CDH13: variants seen among roughly 807,000 people sequenced by gnomAD.
The protein encoded by CDH13 is cadherin-13.
In CDH13, 24 loss-of-function variants were observed where a neutral mutation model predicts 63.8. The observed-to-expected ratio is 0.38, with a 90% CI of 0.27 to 0.53. The LOEUF (loss-of-function observed/expected upper bound fraction) is 0.53. Among genes scored for constraint, CDH13 ranks in the 20% least tolerant of loss-of-function variants. The pLI is 0.85. For missense variants in CDH13, 1,049 were observed against 903.1 expected, an observed-to-expected ratio of 1.16 and a Z score of -2.07; for synonymous variants, 503 against 355.3, an observed-to-expected ratio of 1.42 and a Z score of -4.67.
At chr16:83,034,555 A>C (rs1273271380) in intron 3 of CDH13, among the ~76,000 whole-genome samples, 1 of 152,236 alleles carries the variant, frequency 6.6e-6, no homozygotes, top group African/African-American at 2.4e-5. Context: ...AAAGCAACAA[A>C]GTTGCCAGGA....
chr16:82,768,907 GAGTT>G (rs1270358656), intron 1 of CDH13, among the ~76,000 whole-genome samples: 2 of 152,136 alleles, frequency 1.3e-5, no homozygotes, highest in African/African-American at 4.8e-5. Context: ...CAAACATTTT[GAGTT>G]AGTTAGCAGG....
At chr16:82,847,515 T>C (rs1263976673) in intron 1 of CDH13, among the ~76,000 whole-genome samples, 1 of 152,222 alleles carries the variant, frequency 6.6e-6, no homozygotes, top group African/African-American at 2.4e-5. Flanking sequence ...CACATCTCTT[T>C]CTCTTATCCT....
chr16:83,323,546 G>A (rs2151896744), intron 5 of CDH13, among the ~76,000 whole-genome samples: 1 of 152,044 alleles, frequency 6.6e-6, no homozygotes, highest in Admixed American at 6.6e-5. Flanking sequence ...CTCCCAAAGT[G>A]CTGGGATTAC....
intron 10 of CDH13, among the ~76,000 whole-genome samples, chr16:83,687,669 C>A (rs1272445478): frequency 6.6e-6 from 1 of 152,162 alleles, no homozygotes; most frequent in Non-Finnish European, 1.5e-5. Flanking sequence ...GTCTACCAAC[C>A]ATGAAAACAT....
Position 83,745,978 on chromosome 16 carries a change from G to A in CDH13, c.1539-2130G>A, listed in dbSNP as rs575340315. ...CAGTTTTGAGTGTGGGTTCAGGGTC[G>A]CAGCTCCAAGGTCAGACCACCTGGG... is the stretch of plus-strand genomic sequence containing the variant. On this transcript the variant is annotated intron_variant, in intron 10 of 13. Transcript: ENST00000567109. 3.9e-4 allele frequency among the ~76,000 whole-genome samples: 60 copies of A among 152,254 alleles called. No homozygotes were observed. In the South Asian group the frequency reaches 0.01, roughly 26 times the overall value.
chr16:82,747,523 A>C (rs2034230721), intron 1 of CDH13, among the ~76,000 whole-genome samples: 2 of 152,186 alleles, frequency 1.3e-5, no homozygotes, highest in African/African-American at 4.8e-5. Flanking sequence ...GCATTACCTG[A>C]GAACTTATTT....
At chr16:83,488,886 G>C (rs2073951241) in intron 7 of CDH13, among the ~76,000 whole-genome samples, 1 of 152,066 alleles carries the variant, frequency 6.6e-6, no homozygotes, top group Non-Finnish European at 1.5e-5. Flanking sequence ...CGGCCTCCCA[G>C]TGTGCTGGGA....
At chr16:83,238,152 C>T (rs1166767064) in intron 5 of CDH13, among the ~76,000 whole-genome samples, 1 of 151,822 alleles carries the variant, frequency 6.6e-6, no homozygotes, top group African/African-American at 2.4e-5. Context: ...CTGTTCTGGT[C>T]TTTGCTGAGA....
intron 1 of CDH13, among the ~76,000 whole-genome samples, chr16:82,692,101 G>T (rs1160910113): frequency 3.3e-5 from 5 of 152,206 alleles, no homozygotes; most frequent in Non-Finnish European, 7.3e-5. Flanking sequence ...AAAAGTACAT[G>T]AATTATATTG....
chr16:82,895,683 C>G (rs1334911315), intron 2 of CDH13, among the ~76,000 whole-genome samples: 1 of 92,744 alleles, frequency 1.1e-5, no homozygotes, highest in Non-Finnish European at 2.1e-5. Context: ...AAAGGGACGC[C>G]TCTCCCTTTT....
rs79404491 is a variant in CDH13, at chr16:82,675,562, C to G, written c.45+48425C>G. Among the ~76,000 whole-genome samples the G allele has an allele frequency of 9.5e-3, 1,445 of 152,292 alleles. 20 individuals are homozygous for G. The highest frequency in any genetic ancestry group is 0.033 in the African/African-American group (1,359 of 41,552). On this transcript the variant is annotated intron_variant, in intron 1 of 13. Coordinates refer to ENST00000567109, the MANE Select transcript of CDH13 (RefSeq NM_001257.5). ...CAAAGCTGCATGAAGTCACGTTTGC[C>G]TCATTACAATTCCTTTGGTTAAAGA...
At chr16:83,667,074 A>G (rs1328817907) in intron 8 of CDH13, among the ~76,000 whole-genome samples, 2 of 149,862 alleles carry the variant, frequency 1.3e-5, no homozygotes, top group Non-Finnish European at 3.0e-5. Context: ...GAATGGAAGG[A>G]TGGATAGATG....
intron 3 of CDH13, among the ~76,000 whole-genome samples, chr16:83,094,757 G>C (rs2034111046): frequency 6.6e-6 from 1 of 152,192 alleles, no homozygotes; most frequent in South Asian, 2.1e-4. Context: ...CTGAAAGTGT[G>C]GTTTAAATTT....
intron 1 of CDH13, among the ~76,000 whole-genome samples, chr16:82,706,160 TC>T (rs2150998924): frequency 6.6e-6 from 1 of 151,244 alleles, no homozygotes; most frequent in African/African-American, 2.4e-5. Context: ...GCCTCCCTTC[TC>T]CCTTTTTCGC....
chr16:83,734,215 G>T (rs1436412442), intron 10 of CDH13, among the ~76,000 whole-genome samples: 1 of 152,168 alleles, frequency 6.6e-6, no homozygotes, highest in African/African-American at 2.4e-5. Flanking sequence ...AAAAATATAT[G>T]TATTTGGTTA....
chr16:82,964,669 C>G (rs1037206773), intron 2 of CDH13, among the ~76,000 whole-genome samples: 1 of 152,192 alleles, frequency 6.6e-6, no homozygotes, highest in Non-Finnish European at 1.5e-5. Flanking sequence ...ATATGTAAAG[C>G]TTCCAGTGGT....
chr16:83,418,545 A>G (rs2071619743), intron 6 of CDH13, among the ~76,000 whole-genome samples: 1 of 152,172 alleles, frequency 6.6e-6, no homozygotes, highest in Non-Finnish European at 1.5e-5. Context: ...GGCAGACTTC[A>G]AGTTACAAGT....
At chr16:83,487,313 C>T (rs1243860304) in intron 7 of CDH13, among the ~76,000 whole-genome samples, 1 of 152,206 alleles carries the variant, frequency 6.6e-6, no homozygotes, top group Non-Finnish European at 1.5e-5. Flanking sequence ...TTTCACGTTT[C>T]TGTTTTAAAA....
intron 2 of CDH13, among the ~76,000 whole-genome samples, chr16:82,887,278 T>G (rs554296364): frequency 2.6e-5 from 4 of 151,864 alleles, no homozygotes; most frequent in African/African-American, 9.7e-5. Context: ...GTAGTAAGAG[T>G]CTAATTTGGC....
Sources: allele counts gnomAD v4.1 joint callset (sites outside exome capture counted in the v4.1 genomes callset), GRCh38; gene constraint gnomAD v4.1.1; transcripts MANE v1.5; gene names NCBI Gene and HGNC (gene_info 2026-07-23, HGNC 2026-07-21).